The following DPH6 variants were observed in gnomAD, a reference collection of about 807,000 sequenced individuals.
DPH6 encodes diphthamine biosynthesis 6, also known as diphthine--ammonia ligase.
A neutral mutation model predicts 38.2 loss-of-function variants in DPH6; 33 were observed. That is an observed-to-expected ratio of 0.86 (90% CI 0.65 to 1.15). The LOEUF is 1.15. Among genes scored for constraint, DPH6 ranks in the 50% most tolerant of loss-of-function variants. DPH6 has a pLI of 0.00. For synonymous variants in DPH6, 108 were observed against 103.0 expected, an observed-to-expected ratio of 1.05 and a Z score of -0.30; for missense variants, 325 against 320.0, an observed-to-expected ratio of 1.02 and a Z score of -0.12.
intron 3 of DPH6, among the ~76,000 whole-genome samples, chr15:35,524,735 TA>T (rs1488837531): frequency 5.3e-5 from 8 of 152,182 alleles, no homozygotes; most frequent in Non-Finnish European, 1.2e-4. Flanking sequence ...TAGTGCTACA[TA>T]AATTGCAATT....
chr15:35,362,315 C>G (rs2052620974), intron 3 of DPH6, among the ~76,000 whole-genome samples: 1 of 152,156 alleles, frequency 6.6e-6, no homozygotes. Context: ...CTTTTCTGTT[C>G]TCTGTGGCCC....
At chr15:35,229,779 C>T (rs2051504759) in intron 3 of DPH6, among the ~76,000 whole-genome samples, 1 of 152,214 alleles carries the variant, frequency 6.6e-6, no homozygotes, top group South Asian at 2.1e-4. Context: ...AACTGTGGTT[C>T]TTGCAGACTT....
chr15:35,269,380 G>C (rs990510507), intron 3 of DPH6, among the ~76,000 whole-genome samples: 1 of 152,144 alleles, frequency 6.6e-6, no homozygotes, highest in African/African-American at 2.4e-5. Context: ...AGAAATCCTT[G>C]AACAAAATGA....
chr15:35,254,364 C>A (rs2051693748), intron 3 of DPH6, among the ~76,000 whole-genome samples: 1 of 152,198 alleles, frequency 6.6e-6, no homozygotes, highest in East Asian at 1.9e-4. Flanking sequence ...CAAACTGCCA[C>A]ATACATTTAT....
intron 3 of DPH6, among the ~76,000 whole-genome samples, chr15:35,258,127 G>T (rs1377798228): frequency 6.6e-6 from 1 of 152,026 alleles, no homozygotes; most frequent in Admixed American, 6.6e-5. Context: ...TGTTATTCTT[G>T]TTTTTAATTT....
At chr15:35,360,813 G>A (rs951808835) in intron 3 of DPH6, among the ~76,000 whole-genome samples, 4 of 152,048 alleles carry the variant, frequency 2.6e-5, no homozygotes, top group African/African-American at 9.7e-5. Context: ...CTGTCTCTGG[G>A]CTATGGTAGA....
intron 3 of DPH6, among the ~76,000 whole-genome samples, chr15:35,491,220 G>C (rs2054472783): frequency 6.6e-6 from 1 of 151,454 alleles, no homozygotes; most frequent in South Asian, 2.1e-4. Flanking sequence ...TGGATGGAAG[G>C]ATAAAGACAA....
At chr15:35,322,788 T>G (rs111843390) in intron 3 of DPH6, among the ~76,000 whole-genome samples, 6 of 152,164 alleles carry the variant, frequency 3.9e-5, no homozygotes, top group African/African-American at 1.4e-4. Flanking sequence ...TCTATATCTC[T>G]TAATTTTTCT....
intron 3 of DPH6, among the ~76,000 whole-genome samples, chr15:35,246,689 T>C (rs1200988951): frequency 3.3e-5 from 5 of 152,170 alleles, no homozygotes; most frequent in East Asian, 1.9e-4. Context: ...CTCCAATTGA[T>C]GTTAATGAGA....
intron 3 of DPH6, among the ~76,000 whole-genome samples, chr15:35,493,733 T>C (rs1164397297): frequency 6.6e-6 from 1 of 152,066 alleles, no homozygotes; most frequent in Non-Finnish European, 1.5e-5. Context: ...ACTGGTTTGG[T>C]GTAGGAAGAG....
chr15:35,214,085 C>T (rs1490341176), downstream of DPH6, among the ~76,000 whole-genome samples: 2 of 149,882 alleles, frequency 1.3e-5, no homozygotes, highest in Admixed American at 1.3e-4. Flanking sequence ...GCACTCCAGC[C>T]TGGGCGACAG....
rs373730259 is a variant in DPH6 at position 35,503,199 on chromosome 15, T to C, written c.312+35075A>G. On this transcript the variant is annotated intron_variant, in intron 3 of 8. Coordinates refer to ENST00000256538, the MANE Select transcript of DPH6 (RefSeq NM_080650.4). ...TTTATTTATATATTCCATAATAAAA[T>C]ATACTGTTACATACCTTTGTTATAA... Among the ~76,000 whole-genome samples, 117 of 152,078 alleles carry C rather than the reference T, an allele frequency of 7.7e-4. No individual in the cohort carries two copies. The South Asian group carries it at 7.9e-3, about 10-fold the overall frequency.
the DPH6 span, among the ~76,000 whole-genome samples, chr15:35,203,753 T>C: frequency 1.8e-4 from 28 of 151,854 alleles, no homozygotes; most frequent in Non-Finnish European, 2.2e-4. Context: ...AAAACTCAGC[T>C]TTCTGTTAAT....
At chr15:35,493,033 C>T (rs1039623295) in intron 3 of DPH6, among the ~76,000 whole-genome samples, 7 of 151,726 alleles carry the variant, frequency 4.6e-5, no homozygotes, top group Admixed American at 2.6e-4. Flanking sequence ...AAAGATAGTG[C>T]CATTTCCTAC....
intron 5 of DPH6, among the ~76,000 whole-genome samples, chr15:35,443,912 C>T (rs2053818820): frequency 6.6e-6 from 1 of 152,146 alleles, no homozygotes; most frequent in African/African-American, 2.4e-5. Context: ...AACAGCTTGT[C>T]AAATCAGACT....
the DPH6 span, among the ~76,000 whole-genome samples, chr15:35,177,838 A>G: frequency 1.3e-5 from 2 of 152,032 alleles, no homozygotes; most frequent in Non-Finnish European, 2.9e-5. Flanking sequence ...GCTACTCGGG[A>G]GGCTGAGGCA....
At position 35,454,790 on chromosome 15, in the gene DPH6, C is replaced by T; in HGVS notation, c.343G>A (p.Gly115Ser). 1 of 1,607,760 alleles carries T rather than the reference C, an allele frequency of 6.2e-7. No individual in the cohort carries two copies. The highest frequency in any genetic ancestry group is 1.1e-5 in the South Asian group (1 of 89,134). Residue 115 changes from glycine (G) to serine (S), a missense_variant, in exon 4 of 9, where the codon GGT becomes AGT. Transcript: ENST00000256538. Reference sequence around the variant, plus strand: ...CGCTGATAGTCAGAAAGTATAGCACCTACTGATATCCCCTCTACTTCTTCT... The same window carrying T: ...CGCTGATAGTCAGAAAGTATAGCACTTACTGATATCCCCTCTACTTCTTCT... ...EKEEVEGISV[G>S]AILSDYQRIR...
intron 3 of DPH6, among the ~76,000 whole-genome samples, chr15:35,228,778 G>A (rs552214790): frequency 7.9e-5 from 12 of 152,234 alleles, no homozygotes; most frequent in African/African-American, 2.9e-4. Context: ...TTGTTTGCCT[G>A]GAAAAGTCTT....
chr15:35,422,816 T>C (rs2053522685), intron 5 of DPH6, among the ~76,000 whole-genome samples: 1 of 151,940 alleles, frequency 6.6e-6, no homozygotes, highest in Non-Finnish European at 1.5e-5. Context: ...GATGCAGTAT[T>C]TGTCTTTCTG....
Sources: allele counts gnomAD v4.1 joint callset (sites outside exome capture counted in the v4.1 genomes callset), GRCh38; gene constraint gnomAD v4.1.1; transcripts MANE v1.5; gene names NCBI Gene and HGNC (gene_info 2026-07-23, HGNC 2026-07-21).